The following NR3C2 variants were observed in gnomAD, a reference collection of about 807,000 sequenced individuals.
NR3C2 encodes mineralocorticoid receptor.
Under a neutral mutation model 86.4 loss-of-function variants are expected in NR3C2, and 15 were observed. That is an observed-to-expected ratio of 0.17 (90% confidence interval 0.12 to 0.27). The LOEUF is 0.27. Ranked by LOEUF, NR3C2 falls within the 10% of genes least tolerant of loss-of-function variation. The pLI, the probability that NR3C2 is intolerant of heterozygous loss-of-function variation, is 1.00. For missense variants in NR3C2, 960 were observed against 1,195.6 expected, an observed-to-expected ratio of 0.80 and a Z score of 2.91; for synonymous variants, 458 against 450.5, an observed-to-expected ratio of 1.02 and a Z score of -0.21.
At chr4:148,348,993 C>T (rs1207093159) in intron 2 of NR3C2, among the ~76,000 whole-genome samples, 1 of 151,934 alleles carries the variant, frequency 6.6e-6, no homozygotes, top group African/African-American at 2.4e-5. Flanking sequence ...TTAGTATTAC[C>T]AAGCACAAGG....
chr4:148,242,039 G>C (rs182166172), intron 3 of NR3C2, among the ~76,000 whole-genome samples: 2 of 152,256 alleles, frequency 1.3e-5, no homozygotes, highest in South Asian at 2.1e-4. Flanking sequence ...ACAGGGGCTG[G>C]GGGGAAGAGG....
At chr4:148,364,881 T>G (rs1746032655) in intron 2 of NR3C2, among the ~76,000 whole-genome samples, 2 of 151,880 alleles carry the variant, frequency 1.3e-5, no homozygotes, top group South Asian at 4.2e-4. Flanking sequence ...GACCCAAGTC[T>G]AAACATGAAA....
chr4:148,418,057 T>C (rs923978754), intron 2 of NR3C2, among the ~76,000 whole-genome samples: 4 of 152,122 alleles, frequency 2.6e-5, no homozygotes, highest in Admixed American at 6.5e-5. Context: ...TTGATGTTTG[T>C]GAATGACATA....
intron 2 of NR3C2, among the ~76,000 whole-genome samples, chr4:148,369,709 C>G (rs1197679813): frequency 6.6e-6 from 1 of 152,138 alleles, no homozygotes; most frequent in East Asian, 1.9e-4. Context: ...TTAAATCAAC[C>G]CATATCCAGA....
At chr4:148,130,819 GTTTTTTTTT>G (rs376180676) in intron 6 of NR3C2, among the ~76,000 whole-genome samples, 1,607 of 108,888 alleles carry the variant, frequency 0.015, 21 homozygotes, top group Middle Eastern at 0.029. Context: ...GTTTTGTTTT[GTTTTTTTTT>G]TTTTTTTTTT....
chr4:148,145,894 G>C (rs1285174828), intron 6 of NR3C2, among the ~76,000 whole-genome samples: 1 of 152,126 alleles, frequency 6.6e-6, no homozygotes, highest in Non-Finnish European at 1.5e-5. Context: ...AGGGATGTAT[G>C]GGGCAGTGGG....
chr4:148,128,474 T>C (rs1185234361), intron 6 of NR3C2, among the ~76,000 whole-genome samples: 2 of 152,256 alleles, frequency 1.3e-5, no homozygotes, highest in African/African-American at 2.4e-5. Context: ...TTCCAGGCTA[T>C]GAATGCCTGT....
At chr4:148,290,228 C>G (rs771055629) in intron 2 of NR3C2, among the ~76,000 whole-genome samples, 39 of 152,156 alleles carry the variant, frequency 2.6e-4, no homozygotes, top group Admixed American at 9.8e-4. Context: ...TCCTCTTCTG[C>G]TAAGCACTTC....
chr4:148,399,607 A>G (rs1195379546), intron 2 of NR3C2, among the ~76,000 whole-genome samples: 1 of 145,786 alleles, frequency 6.9e-6, no homozygotes, highest in Non-Finnish European at 1.5e-5. Flanking sequence ...CAAGATTAGC[A>G]TATTTCAAAA....
In NR3C2 at chr4:148,435,887, G is replaced by A. The variant is rs770964849; in HGVS notation, c.974C>T (p.Pro325Leu). The A allele has an allele frequency of 4.2e-5, 67 of 1,614,060 alleles. No homozygotes were observed. Among genetic ancestry groups the A allele is most frequent in the African/African-American group, 5.3e-5 (4 of 74,908 alleles). Residue 325 changes from proline (P) to leucine (L), a missense_variant, in exon 2 of 9, where the codon CCG becomes CTG. This residue lies in a region of NR3C2 where 680 missense variants were observed against 719.0 expected (regional missense o/e 0.95). Transcript: ENST00000358102. ...NTNNRSTLSSPAASTVGSICS... is the reference protein window; with the variant it reads ...NTNNRSTLSSLAASTVGSICS... ...GATAGATCCCACAGTACTGGCTGCC[G>A]GACTGGAAAGCGTGGATCTGTTATT...
At position 148,346,315 on chromosome 4, in the gene NR3C2, G is replaced by A. The variant is rs554444458; in HGVS notation, c.1758-86198C>T. Among the ~76,000 whole-genome samples the A allele has an allele frequency of 2.7e-3, 416 of 152,212 alleles. 2 individuals are homozygous for A. The highest frequency in any genetic ancestry group is 9.6e-3 in the African/African-American group (400 of 41,552). On this transcript the variant is annotated intron_variant, in intron 2 of 8. Transcript: ENST00000358102. ...CAACATAGCCCAGATAGAAAACGGT[G>A]GTGACATGGTCCATGGAACTGGCAA... is the stretch of plus-strand genomic sequence containing the variant.
chr4:148,108,766 A>C (rs1462276731), intron 8 of NR3C2, among the ~76,000 whole-genome samples: 2 of 152,118 alleles, frequency 1.3e-5, no homozygotes, highest in African/African-American at 4.8e-5. Context: ...TGCTCAGCTC[A>C]TGTTGAGGCC....
At chr4:148,255,320 A>G (rs1359194673) in intron 3 of NR3C2, among the ~76,000 whole-genome samples, 1 of 152,216 alleles carries the variant, frequency 6.6e-6, no homozygotes, top group African/African-American at 2.4e-5. Context: ...AAATTTAAAG[A>G]TCTTTAAAAT....
At chr4:148,282,132 C>A (rs1741277549) in intron 2 of NR3C2, among the ~76,000 whole-genome samples, 1 of 152,152 alleles carries the variant, frequency 6.6e-6, no homozygotes, top group South Asian at 2.1e-4. Flanking sequence ...AGGGCTTAAG[C>A]AATTCTCCTG....
At position 148,097,740 on chromosome 4, in the gene NR3C2, CGTTTTTTTTT is replaced by C. The variant is rs376783197; in HGVS notation, c.2800-16251_2800-16242del. Reference sequence around the variant, plus strand: ...CTTAAAACATGATGAGACTTTTTTGCGTTTTTTTTTGTTTTTTTTTTTTTTTTTAAGCTCA... The same window carrying C: ...CTTAAAACATGATGAGACTTTTTTGCGTTTTTTTTTTTTTTTTTAAGCTCA... On this transcript the variant is annotated intron_variant, in intron 8 of 8. Transcript: ENST00000358102. Among the ~76,000 whole-genome samples the C allele has an allele frequency of 8.0e-4, 80 of 99,870 alleles. 2 individuals are homozygous for C. Among genetic ancestry groups the C allele is most frequent in the Middle Eastern group, 6.0e-3 (1 of 168 alleles). 65.5% of individuals were successfully genotyped at this position (99,870 alleles called of 152,430 possible).
chr4:148,261,432 T>G (rs188562925), intron 2 of NR3C2, among the ~76,000 whole-genome samples: 1 of 152,062 alleles, frequency 6.6e-6, no homozygotes, highest in Admixed American at 6.5e-5. Context: ...GTAAGCGCTA[T>G]GGTGCGCTAC....
chr4:148,334,981 G>A (rs1481193393), intron 2 of NR3C2, among the ~76,000 whole-genome samples: 3 of 152,126 alleles, frequency 2.0e-5, no homozygotes, highest in African/African-American at 4.8e-5. Context: ...TTCTCGCTCC[G>A]TGGGTATCTG....
intron 7 of NR3C2, among the ~76,000 whole-genome samples, chr4:148,115,551 C>G (rs980085635): frequency 6.6e-6 from 1 of 152,142 alleles, no homozygotes; most frequent in Non-Finnish European, 1.5e-5. Context: ...TAATTATTTA[C>G]TTTGGTCATC....
At chr4:148,241,287 C>T (rs897738253) in intron 3 of NR3C2, among the ~76,000 whole-genome samples, 1 of 82,924 alleles carries the variant, frequency 1.2e-5, no homozygotes, top group African/African-American at 5.0e-5. Flanking sequence ...GCCTGGAAGA[C>T]AGAGCAAAAC....
Sources: allele counts gnomAD v4.1 joint callset (sites outside exome capture counted in the v4.1 genomes callset), GRCh38; gene constraint gnomAD v4.1.1; regional missense constraint gnomAD v4.1.1; transcripts MANE v1.5; gene names NCBI Gene and HGNC (gene_info 2026-07-23, HGNC 2026-07-21).